TMEM230: variants seen among roughly 807,000 people sequenced by gnomAD.
TMEM230 encodes the protein transmembrane protein 230, also known as UPF0414 transmembrane protein C20orf30.
A neutral mutation model predicts 15.8 loss-of-function variants in TMEM230; 10 were observed. The observed-to-expected ratio is 0.63, with a 90% CI of 0.39 to 1.07. TMEM230 has a LOEUF of 1.07. Ranked by LOEUF, TMEM230 falls within the 50% of genes least tolerant of loss-of-function variation. TMEM230 has a pLI of 0.01. For missense variants in TMEM230, 165 were observed against 193.3 expected, an observed-to-expected ratio of 0.85 and a Z score of 0.87; for synonymous variants, 67 against 76.9, an observed-to-expected ratio of 0.87 and a Z score of 0.68.
chr20:5,085,147 T>C (rs1320146349), intron 3 of TMEM230, among the ~76,000 whole-genome samples: 1 of 152,174 alleles, frequency 6.6e-6, no homozygotes, highest in Non-Finnish European at 1.5e-5. Context: ...GACTCCAGAT[T>C]GCCACCTACA....
At chr20:5,094,995 C>A (rs2089625032), downstream of TMEM230, among the ~76,000 whole-genome samples, 1 of 152,140 alleles carries the variant, frequency 6.6e-6, no homozygotes, top group Non-Finnish European at 1.5e-5. Context: ...CTCTACCAGG[C>A]CACAGACCCT....
chr20:5,097,407 T>C (rs1047425887), downstream of TMEM230, among the ~76,000 whole-genome samples: 1 of 152,226 alleles, frequency 6.6e-6, no homozygotes, highest in African/African-American at 2.4e-5. Context: ...TAAGAGTTGT[T>C]GCAAATAAGA....
chr20:5,075,921 T>A (rs112194166), intron 3 of TMEM230, among the ~76,000 whole-genome samples: 1 of 151,744 alleles, frequency 6.6e-6, no homozygotes, highest in Non-Finnish European at 1.5e-5. Flanking sequence ...CTGGGCCACA[T>A]AGCAAAACAC....
At chr20:5,078,588 C>T (rs985650692) in intron 3 of TMEM230, among the ~76,000 whole-genome samples, 1 of 152,130 alleles carries the variant, frequency 6.6e-6, no homozygotes, top group Non-Finnish European at 1.5e-5. Flanking sequence ...TGGGTCAACG[C>T]GGGGCTCTGT....
intron 3 of TMEM230, among the ~76,000 whole-genome samples, chr20:5,084,568 T>A (rs2089280176): frequency 6.6e-6 from 1 of 151,906 alleles, no homozygotes; most frequent in Non-Finnish European, 1.5e-5. Flanking sequence ...GGAGTCTTGC[T>A]CTGTTGCCCA....
chr20:5,077,092 G>A (rs553056505), intron 3 of TMEM230, among the ~76,000 whole-genome samples: 71 of 152,084 alleles, frequency 4.7e-4, no homozygotes, highest in African/African-American at 1.7e-3. Flanking sequence ...GATTGCTTGA[G>A]CCCAGGAGTT....
intron 3 of TMEM230, among the ~76,000 whole-genome samples, chr20:5,081,222 A>G (rs2089164073): frequency 6.6e-6 from 1 of 152,242 alleles, no homozygotes; most frequent in Admixed American, 6.5e-5. Flanking sequence ...GTGTCCCTGC[A>G]TCTTATCCCC....
At chr20:5,062,576 C>T in the TMEM230 span, among the ~76,000 whole-genome samples, 3 of 151,842 alleles carry the variant, frequency 2.0e-5, no homozygotes, top group Non-Finnish European at 4.4e-5. Flanking sequence ...GGCAACATGG[C>T]GAAACCCTGT....
chr20:5,069,425 G>A, intron 3 of TMEM230: 1 of 1,428,250 alleles, frequency 7.0e-7, no homozygotes, highest in Non-Finnish European at 9.3e-7. Context: ...TAATTGTCAA[G>A]AAATCACATC....
intron 3 of TMEM230, among the ~76,000 whole-genome samples, chr20:5,084,130 C>T (rs1480194485): frequency 1.4e-4 from 21 of 151,964 alleles, no homozygotes; most frequent in Non-Finnish European, 7.3e-5. Context: ...TCTGTTCCTG[C>T]GTTAATTCAT....
At chr20:5,096,692 A>G (rs144378678), downstream of TMEM230, among the ~76,000 whole-genome samples, 59 of 152,328 alleles carry the variant, frequency 3.9e-4, no homozygotes, top group African/African-American at 1.4e-3. Context: ...AACTGTGTGA[A>G]GAGCAGCTGG....
chr20:5,074,615 G>A (rs941320999), intron 3 of TMEM230, among the ~76,000 whole-genome samples: 1 of 138,274 alleles, frequency 7.2e-6, no homozygotes, highest in Non-Finnish European at 1.5e-5. Flanking sequence ...TCTTTTGACA[G>A]TTTAACTCTC....
intron 3 of TMEM230, among the ~76,000 whole-genome samples, chr20:5,080,593 G>A (rs896409117): frequency 1.3e-5 from 2 of 150,962 alleles, no homozygotes; most frequent in Non-Finnish European, 2.9e-5. Context: ...TTGAAATGGA[G>A]TCTCAGTCTA....
intron 3 of TMEM230, among the ~76,000 whole-genome samples, chr20:5,087,476 G>A (rs1247353290): frequency 6.6e-6 from 1 of 151,680 alleles, no homozygotes; most frequent in Admixed American, 6.6e-5. Flanking sequence ...TAGGGGATGG[G>A]AGTAAGGAAG....
At chr20:5,101,898 T>G (rs537715600) in intron 4 of TMEM230, among the ~76,000 whole-genome samples, 1 of 152,256 alleles carries the variant, frequency 6.6e-6, no homozygotes, top group Non-Finnish European at 1.5e-5. Flanking sequence ...AAGAAGGAAC[T>G]GACTTACGAG....
At chr20:5,092,963 A>G (rs1048802547) in intron 3 of TMEM230, among the ~76,000 whole-genome samples, 1 of 152,188 alleles carries the variant, frequency 6.6e-6, no homozygotes, top group Non-Finnish European at 1.5e-5. Flanking sequence ...CACTCTCACC[A>G]CTTATATTTG....
At chr20:5,097,540 A>G (rs2089699148), downstream of TMEM230, among the ~76,000 whole-genome samples, 1 of 152,214 alleles carries the variant, frequency 6.6e-6, no homozygotes, top group African/African-American at 2.4e-5. Flanking sequence ...TCTACTGTCC[A>G]TACCCACCTC....
chr20:5,066,670 C>CAAA (rs71332869), downstream of TMEM230, among the ~76,000 whole-genome samples: 56 of 90,812 alleles, frequency 6.2e-4, 2 homozygotes, highest in African/African-American at 2.1e-3. Context: ...GACTCTGTCT[C>CAAA]AAAAAAAAAA....
chr20:5,067,795 T>C (rs571312382), downstream of TMEM230, among the ~76,000 whole-genome samples: 112 of 149,228 alleles, frequency 7.5e-4, 1 homozygote, highest in African/African-American at 2.6e-3. Flanking sequence ...AGTCTCACTC[T>C]GTTGCCCAGG....
Sources: gnomAD v4.1 joint callset for allele counts (sites outside exome capture counted in the v4.1 genomes callset) on GRCh38, gnomAD v4.1.1 for gene constraint, MANE v1.5 for transcripts, NCBI Gene and HGNC (gene_info 2026-07-23, HGNC 2026-07-21) for gene names.